Variants in TRIM24 observed in about 807,000 individuals in gnomAD.
The protein encoded by TRIM24 is transcription intermediary factor 1-alpha.
TRIM24 carries 29 observed loss-of-function variants against 123.9 expected under a neutral mutation model. The observed-to-expected ratio is 0.23, with a 90% CI of 0.17 to 0.32. TRIM24 has a LOEUF of 0.32. Ranked by LOEUF, TRIM24 falls within the 10% of genes least tolerant of loss-of-function variation. TRIM24 has a pLI of 1.00. For missense variants in TRIM24, 932 were observed against 1,295.3 expected (o/e 0.72, Z 4.31); for synonymous variants, 456 against 461.1 (o/e 0.99, Z 0.14).
chr7:138,548,021 C>T lies in TRIM24; in HGVS notation c.1144-3042C>T, dbSNP rs1440431846. ...TAGGGTGTAAGAAAAAGAAAGGAGC[C>T]AAGGACTTTAAGTTGTAGGGAAAAA... On this transcript the variant is annotated intron_variant, in intron 7 of 18. Coordinates refer to ENST00000343526, the MANE Select transcript of TRIM24 (RefSeq NM_015905.3). 4.6e-5 allele frequency among the ~76,000 whole-genome samples: 7 copies of T among 152,070 alleles called. No homozygotes were observed. In the South Asian group the frequency reaches 1.2e-3, roughly 27 times the overall value.
At chr7:138,461,803 T>C (rs1030658015) in intron 1 of TRIM24, among the ~76,000 whole-genome samples, 7 of 152,200 alleles carry the variant, frequency 4.6e-5, no homozygotes, top group Admixed American at 1.3e-4. Context: ...AAAAATACAG[T>C]GTAACTGGAA....
At chr7:138,580,777 C>T in intron 16 of TRIM24, 83 bp downstream of exon 16, 1 of 1,319,048 alleles carries the variant, frequency 7.6e-7, no homozygotes, top group East Asian at 2.5e-5. Flanking sequence ...GTATATCCAT[C>T]CAGATTTTAT....
intron 12 of TRIM24, 132 bp downstream of exon 12, chr7:138,573,774 C>A (rs752094607): frequency 6.7e-6 from 7 of 1,039,644 alleles, no homozygotes; most frequent in Non-Finnish European, 9.6e-6. Flanking sequence ...AATTAGTATG[C>A]TTTCAGAGAA....
At chr7:138,469,837 CAT>C (rs1398273564) in intron 1 of TRIM24, among the ~76,000 whole-genome samples, 1 of 152,188 alleles carries the variant, frequency 6.6e-6, no homozygotes, top group African/African-American at 2.4e-5. Flanking sequence ...CTACATTTCA[CAT>C]ATGCTGTATG....
intron 1 of TRIM24, among the ~76,000 whole-genome samples, chr7:138,479,590 G>A (rs977984668): frequency 2.6e-5 from 4 of 151,940 alleles, no homozygotes; most frequent in South Asian, 2.1e-4. Context: ...TTGGCTCACC[G>A]CAATCTCTGC....
chr7:138,518,024 A>G (rs1012824902), intron 3 of TRIM24, among the ~76,000 whole-genome samples: 2 of 152,174 alleles, frequency 1.3e-5, no homozygotes, highest in Admixed American at 6.5e-5. Context: ...CAACAATTCC[A>G]CCACGAGGAA....
intron 7 of TRIM24, among the ~76,000 whole-genome samples, chr7:138,550,602 G>A (rs1013000734): frequency 2.0e-5 from 3 of 152,062 alleles, no homozygotes; most frequent in Non-Finnish European, 4.4e-5. Flanking sequence ...TATTCAGGGC[G>A]ATGGCAGGAA....
At chr7:138,471,007 T>C (rs1027541589) in intron 1 of TRIM24, among the ~76,000 whole-genome samples, 1 of 152,214 alleles carries the variant, frequency 6.6e-6, no homozygotes, top group African/African-American at 2.4e-5. Context: ...TGGCACTTTA[T>C]AGGCTCTTAT....
Position 138,460,822 on chromosome 7 carries a change from C to G in TRIM24, c.274C>G (p.Pro92Ala), listed in dbSNP as rs755665082. The G allele has an allele frequency of 1.3e-6, 2 of 1,579,206 alleles. No homozygotes were observed. The highest frequency in any genetic ancestry group is 1.7e-6 in the Non-Finnish European group (2 of 1,167,928). ...CGCGCCCCAGCGCTACCTCATGCTG[C>G]CCGCGCCCATGCTGGGCTCGGCCGA... ...LPAPQRYLML[P>A]APMLGSAETP... The change falls in exon 1 of 19, where the codon CCC becomes GCC. Residue 92 changes from proline to alanine, a missense_variant. Pro to Ala is a conservative substitution (Grantham distance 27). Coordinates refer to ENST00000343526, the MANE Select transcript of TRIM24 (RefSeq NM_015905.3).
At chr7:138,480,339 ACTT>A (rs1795500932) in intron 1 of TRIM24, among the ~76,000 whole-genome samples, 1 of 152,084 alleles carries the variant, frequency 6.6e-6, no homozygotes, top group Admixed American at 6.5e-5. Flanking sequence ...CTGTTTTGGG[ACTT>A]TGTGTGAAAG....
rs559546257 is a variant in TRIM24 at position 138,472,297 on chromosome 7, A to G, written c.364+11385A>G. Among the ~76,000 whole-genome samples the G allele has an allele frequency of 4.6e-5, 7 of 152,312 alleles. No individual in the cohort carries two copies. The South Asian group carries it at 1.5e-3, about 32-fold the overall frequency. On this transcript the variant is annotated intron_variant, in intron 1 of 18. Transcript: ENST00000343526. ...CGAGAACTACTGAATTTATAAAAAAAAAAAAAGATTTGGTGAGGCTTCTGA... is the reference window on the plus strand; with the variant it reads ...CGAGAACTACTGAATTTATAAAAAAGAAAAAAGATTTGGTGAGGCTTCTGA...
chr7:138,466,824 T>A (rs769353856), intron 1 of TRIM24, among the ~76,000 whole-genome samples: 3 of 152,208 alleles, frequency 2.0e-5, no homozygotes, highest in Non-Finnish European at 2.9e-5. Flanking sequence ...TATCAATTTA[T>A]TTTATGGTTA....
At position 138,562,057 on chromosome 7, in the gene TRIM24, C is replaced by T. The variant is rs533056474; in HGVS notation, c.1531-5424C>T. Among the ~76,000 whole-genome samples, 5 of 152,286 alleles carry T rather than the reference C, an allele frequency of 3.3e-5. No individual in the cohort carries two copies. The South Asian group carries it at 8.3e-4, about 25-fold the overall frequency. On this transcript the variant is annotated intron_variant, in intron 9 of 18. Coordinates refer to ENST00000343526, the MANE Select transcript of TRIM24 (RefSeq NM_015905.3). ...CTTCAAAGCCTAAATATTGGACTCT[C>T]CTGGAGCAGATTTGAGCCTTCTTCC... is the stretch of plus-strand genomic sequence containing the variant.
At chr7:138,564,350 G>A (rs1326238499) in intron 9 of TRIM24, among the ~76,000 whole-genome samples, 1 of 152,184 alleles carries the variant, frequency 6.6e-6, no homozygotes, top group African/African-American at 2.4e-5. Flanking sequence ...CTTTTGGGGT[G>A]AGTCTTGGAG....
chr7:138,517,037 C>T (rs114618559), intron 3 of TRIM24, among the ~76,000 whole-genome samples: 101 of 150,972 alleles, frequency 6.7e-4, no homozygotes, highest in African/African-American at 2.2e-3. Flanking sequence ...CCAGGGAGCT[C>T]GAAGCTGCAG....
At chr7:138,504,194 G>A in intron 1 of TRIM24, 96 bp from the exon 2 acceptor site, 1 of 686,700 alleles carries the variant, frequency 1.5e-6, no homozygotes, top group Non-Finnish European at 2.3e-6. Context: ...AAAAAGAATG[G>A]ACATTGAAAA....
chr7:138,480,178 G>A (rs914349588), intron 1 of TRIM24, among the ~76,000 whole-genome samples: 32 of 152,078 alleles, frequency 2.1e-4, no homozygotes, highest in African/African-American at 6.8e-4. Flanking sequence ...TACCTAGGCT[G>A]GTCTTGAACT....
chr7:138,564,812 G>A (rs998071533), intron 9 of TRIM24, among the ~76,000 whole-genome samples: 15 of 152,130 alleles, frequency 9.9e-5, no homozygotes, highest in South Asian at 2.1e-4. Context: ...ACTTCATCCC[G>A]TAATCCCCTG....
intron 17 of TRIM24, among the ~76,000 whole-genome samples, chr7:138,583,198 T>C (rs892405469): frequency 6.6e-6 from 1 of 152,210 alleles, no homozygotes; most frequent in African/African-American, 2.4e-5. Flanking sequence ...TCTTGTATAA[T>C]ACATGCAGCA....
Sources: gnomAD v4.1 joint callset for allele counts (sites outside exome capture counted in the v4.1 genomes callset) on GRCh38, gnomAD v4.1.1 for gene constraint, MANE v1.5 for transcripts, NCBI Gene and HGNC (gene_info 2026-07-23, HGNC 2026-07-21) for gene names.